The following DYSF variants were observed in gnomAD, a reference collection of about 807,000 sequenced individuals.
The protein encoded by DYSF is dysferlin, also known as dystrophy-associated fer-1-like 1.
In DYSF, 212 loss-of-function variants were observed where a neutral mutation model predicts 274.9. The observed-to-expected ratio is 0.77, with a 90% CI of 0.69 to 0.86. The LOEUF (loss-of-function observed/expected upper bound fraction) is 0.86, where lower values mean the gene tolerates loss of function less well. Among genes scored for constraint, DYSF ranks in the 40% least tolerant of loss-of-function variants. The probability of loss-of-function intolerance (pLI) is 0.00; values close to 1 mark genes in which losing one functional copy is unlikely to be tolerated. For synonymous variants in DYSF, 1,091 were observed against 1,078.7 expected, an observed-to-expected ratio of 1.01 and a Z score of -0.22; for missense variants, 2,666 against 2,783.2, an observed-to-expected ratio of 0.96 and a Z score of 0.95.
chr2:71,556,979 A>G (rs1319200719), intron 22 of DYSF, among the ~76,000 whole-genome samples: 1 of 152,036 alleles, frequency 6.6e-6, no homozygotes, highest in Non-Finnish European at 1.5e-5. Context: ...CATCCCTTCT[A>G]TTGTTTGTGG....
intron 51 of DYSF, among the ~76,000 whole-genome samples, chr2:71,673,491 G>A (rs2095166559): frequency 6.6e-6 from 1 of 152,138 alleles, no homozygotes; most frequent in Admixed American, 6.5e-5. Flanking sequence ...CTCTTGGAGT[G>A]AAGTTGGGTG....
At chr2:71,662,765 TTGTA>T (rs558578549) in intron 45 of DYSF, among the ~76,000 whole-genome samples, 27 of 150,060 alleles carry the variant, frequency 1.8e-4, no homozygotes, top group South Asian at 1.1e-3. Context: ...GCATGTGTAT[TTGTA>T]TGTGTGTGTG....
chr2:71,488,831 C>T (rs995807946), intron 3 of DYSF, among the ~76,000 whole-genome samples: 1 of 152,184 alleles, frequency 6.6e-6, no homozygotes, highest in African/African-American at 2.4e-5. Flanking sequence ...GGGCCTCTCA[C>T]CTGCACTCAG....
In DYSF at chr2:71,550,785, G is replaced by A. The variant is rs936319506; in HGVS notation, c.1577-256G>A. ...GTGTTTCTTTGCATCTCCAAGCCTC[G>A]GTTTCCTCATCTGTAAAATGAGACT... On this transcript the variant is annotated intron_variant, in intron 17 of 55. Coordinates refer to ENST00000410020, the MANE Select transcript of DYSF (RefSeq NM_001130987.2). Among the ~76,000 whole-genome samples, 4 of 152,276 alleles carry A rather than the reference G, an allele frequency of 2.6e-5. 1 individual carries two copies. Among genetic ancestry groups the A allele is most frequent in the Admixed American group, 2.6e-4 (4 of 15,298 alleles).
At chr2:71,608,934 G>A (rs1008501136) in intron 36 of DYSF, among the ~76,000 whole-genome samples, 1 of 146,740 alleles carries the variant, frequency 6.8e-6, no homozygotes. Flanking sequence ...CTCCCTGATG[G>A]TTTTTTTTTT....
chr2:71,526,933 C>G (rs2087989021), intron 13 of DYSF, among the ~76,000 whole-genome samples: 1 of 152,268 alleles, frequency 6.6e-6, no homozygotes, highest in Non-Finnish European at 1.5e-5. Context: ...GACTTGCAAC[C>G]ATCTCTTCCT....
intron 30 of DYSF, among the ~76,000 whole-genome samples, chr2:71,583,966 C>T (rs1431822212): frequency 6.6e-6 from 1 of 152,150 alleles, no homozygotes; most frequent in Non-Finnish European, 1.5e-5. Flanking sequence ...TGGCTTCCAG[C>T]CGGGCAGCAG....
At position 71,600,804 on chromosome 2, in the gene DYSF, G is replaced by T. The variant is rs763674597; in HGVS notation, c.3859G>T (p.Glu1287Ter). 1.2e-6 allele frequency: 2 copies of T among 1,613,204 alleles called. No individual in the cohort carries two copies. The highest frequency in any genetic ancestry group is 1.7e-5 in the Admixed American group (1 of 60,006). ...PLTRGSQPSG[E>*]LLASFELIQR... ...GACGAGGGGCAGCCAGCCGTCGGGG[G>T]AGCTGCTGGCCTCTTTTGAGCTCAT... Residue 1287 changes from glutamate to a stop codon, truncating the protein, a stop_gained, in exon 34 of 56, where the codon GAG becomes TAG. Transcript: ENST00000410020. LOFTEE classifies it high-confidence loss of function.
At chr2:71,572,572 G>C (rs2092555918) in intron 29 of DYSF, among the ~76,000 whole-genome samples, 1 of 152,256 alleles carries the variant, frequency 6.6e-6, no homozygotes, top group African/African-American at 2.4e-5. Context: ...GAGCAAGGAT[G>C]CAGCTTCAGG....
chr2:71,631,640 G>C (rs1437215574), intron 41 of DYSF, among the ~76,000 whole-genome samples: 3 of 152,166 alleles, frequency 2.0e-5, no homozygotes, highest in Non-Finnish European at 4.4e-5. Context: ...AATCAGGGCC[G>C]AAATCTGTTA....
At chr2:71,647,542 T>G (rs978294727) in intron 42 of DYSF, among the ~76,000 whole-genome samples, 1 of 152,102 alleles carries the variant, frequency 6.6e-6, no homozygotes, top group African/African-American at 2.4e-5. Flanking sequence ...ACCCACAAAA[T>G]CCATTTTCAG....
intron 19 of DYSF, among the ~76,000 whole-genome samples, chr2:71,552,445 G>A (rs899468790): frequency 6.6e-6 from 1 of 152,212 alleles, no homozygotes; most frequent in African/African-American, 2.4e-5. Context: ...ACACCCAATT[G>A]TCTGACCCCT....
intron 42 of DYSF, among the ~76,000 whole-genome samples, chr2:71,648,865 A>G (rs927800770): frequency 7.2e-5 from 11 of 152,312 alleles, no homozygotes; most frequent in Middle Eastern, 3.4e-3. Flanking sequence ...AAGATCATCA[A>G]AGAAAGACAG....
rs1358393952 is a variant in DYSF, at chr2:71,569,800, T to C, written c.2865-20T>C. ...CTCTCCAGCAGAGCAGCAGAGACTC[T>C]GACCAGCCCTCCTCCACAGTCTGCT... On this transcript the variant is annotated intron_variant, in intron 26 of 55. Transcript: ENST00000410020. 5 of 1,607,504 alleles carry C rather than the reference T, an allele frequency of 3.1e-6. No individual in the cohort carries two copies. The South Asian group carries it at 3.3e-5, about 11-fold the overall frequency.
intron 41 of DYSF, among the ~76,000 whole-genome samples, chr2:71,643,003 C>T (rs1474938030): frequency 6.6e-6 from 1 of 152,166 alleles, no homozygotes; most frequent in East Asian, 1.9e-4. Flanking sequence ...TTGGCCCTTC[C>T]CACTAAACCA....
At position 71,561,835 on chromosome 2, in the gene DYSF, G is replaced by A; in HGVS notation, c.2300G>A (p.Ser767Asn). The A allele has an allele frequency of 2.5e-6, 4 of 1,614,200 alleles. No homozygotes were observed. The highest frequency in any genetic ancestry group is 3.4e-6 in the Non-Finnish European group (4 of 1,180,018). Reference protein sequence around the residue: ...YLYQLRTHHLSQITEAALALK... With the variant: ...YLYQLRTHHLNQITEAALALK... ...TACCAGCTGCGCACCCATCACCTGA[G>A]CCAAATCACTGAGGCTGCCCTGGCC... Residue 767 changes from serine (S) to asparagine (N), a missense_variant, in exon 23 of 56, where the codon AGC becomes AAC. Around this residue, in one of 3 missense-constraint regions of DYSF, gnomAD observed 412 missense variants for 504.0 expected, o/e 0.82. Transcript: ENST00000410020.
rs1276444367 is a variant in DYSF at position 71,598,572 on chromosome 2, G to A, written c.3583G>A (p.Ala1195Thr). Residue 1195 changes from alanine to threonine, a missense_variant, in exon 33 of 56, where the codon GCC (alanine) becomes ACC (threonine). By Grantham distance (58) the Ala-to-Thr change is moderately conservative. Coordinates refer to ENST00000410020, the MANE Select transcript of DYSF (RefSeq NM_001130987.2). ...CTCTCCGGCCCATGCAGATCCCTAT[G>A]CCATCGTCTCCTTCCTGCACCAGAG... is the stretch of plus-strand genomic sequence containing the variant. ...MDKDSFSDPYAIVSFLHQSQK... is the reference protein window; with the variant it reads ...MDKDSFSDPYTIVSFLHQSQK... 2 of 1,614,190 alleles carry A rather than the reference G, an allele frequency of 1.2e-6. No individual in the cohort carries two copies. Among genetic ancestry groups the A allele is most frequent in the African/African-American group, 1.3e-5 (1 of 75,056 alleles).
intron 6 of DYSF, 21 bp from the exon 7 acceptor site, chr2:71,513,695 A>T (rs1203757783): frequency 6.2e-7 from 1 of 1,612,836 alleles, no homozygotes. Flanking sequence ...TCCAGGCCTC[A>T]TTAGGGCCCT....
At chr2:71,614,291 C>T (rs929417815) in intron 40 of DYSF, among the ~76,000 whole-genome samples, 1 of 152,208 alleles carries the variant, frequency 6.6e-6, no homozygotes, top group Non-Finnish European at 1.5e-5. Flanking sequence ...CTGGGGCTCC[C>T]AGAACTTCTG....
Sources: gnomAD v4.1 joint callset for allele counts (sites outside exome capture counted in the v4.1 genomes callset) on GRCh38, gnomAD v4.1.1 for gene constraint, gnomAD v4.1.1 regional missense constraint, MANE v1.5 for transcripts, NCBI Gene and HGNC (gene_info 2026-07-23, HGNC 2026-07-21) for gene names.